Variants in DIAPH2 observed in about 807,000 individuals in gnomAD.
DIAPH2 encodes protein diaphanous homolog 2.
Under a neutral mutation model 92.7 loss-of-function variants are expected in DIAPH2, and 35 were observed. That is an observed-to-expected ratio of 0.38 (90% CI 0.29 to 0.50). The LOEUF is 0.50. Among genes scored for constraint, DIAPH2 ranks in the 20% least tolerant of loss-of-function variants. The pLI is 0.94. For synonymous variants in DIAPH2, 301 were observed against 280.4 expected (o/e 1.07, Z -0.73); for missense variants, 701 against 819.5 (o/e 0.86, Z 1.77).
At chrX:96,998,078 T>C (rs1256943304) in intron 17 of DIAPH2, among the ~76,000 whole-genome samples, 1 of 112,227 alleles carries the variant, frequency 8.9e-6, no homozygotes, top group African/African-American at 3.2e-5. Flanking sequence ...CAGAATTTTA[T>C]AGAGGCAGCA....
intron 25 of DIAPH2, among the ~76,000 whole-genome samples, chrX:97,407,757 C>G (rs183298590): frequency 6.7e-4 from 75 of 112,121 alleles, no homozygotes; most frequent in Non-Finnish European, 1.1e-3. Context: ...TATTTGCAGA[C>G]AGTAGTGACA....
intron 4 of DIAPH2, among the ~76,000 whole-genome samples, chrX:96,793,322 C>T (rs1488774377): frequency 9.0e-6 from 1 of 111,521 alleles, no homozygotes; most frequent in Admixed American, 9.5e-5. Context: ...GCATGCGCCA[C>T]CACACCTGGC....
intron 1 of DIAPH2, among the ~76,000 whole-genome samples, chrX:96,718,346 T>G (rs1275558621): frequency 2.3e-4 from 12 of 52,162 alleles, no homozygotes; most frequent in African/African-American, 7.2e-4. Flanking sequence ...GTTTTTTTTT[T>G]TTTTTTTTTT....
At chrX:97,517,108 T>G (rs954963021) in intron 26 of DIAPH2, among the ~76,000 whole-genome samples, 1 of 111,360 alleles carries the variant, frequency 9.0e-6, no homozygotes, top group Non-Finnish European at 1.9e-5. Flanking sequence ...ACCTCACAGG[T>G]TTTTTTCGAG....
intron 9 of DIAPH2, among the ~76,000 whole-genome samples, chrX:96,923,357 T>C (rs1371976128): frequency 1.8e-5 from 2 of 111,992 alleles, no homozygotes; most frequent in African/African-American, 3.2e-5. Context: ...TGCCCTTTCC[T>C]GATGTGTGAT....
chrX:97,179,255 ATTACT>A (rs2067519800), intron 22 of DIAPH2, among the ~76,000 whole-genome samples: 1 of 92,343 alleles, frequency 1.1e-5, no homozygotes, highest in Admixed American at 1.2e-4. Context: ...TTTTTTTTTA[ATTACT>A]TTAAGTTCCG....
At chrX:97,433,223 C>T (rs1186326584) in intron 26 of DIAPH2, among the ~76,000 whole-genome samples, 7 of 110,317 alleles carry the variant, frequency 6.3e-5, no homozygotes. Flanking sequence ...TAATAAAAAA[C>T]AAAAAGGCTG....
rs139097136 is a variant in DIAPH2 at position 97,373,207 on chromosome X, T to C, written c.3010-10702T>C. Reference sequence around the variant, plus strand: ...CTGAAACGCTAAGCACTGGCATTTTTAAGAAAATAAATGTAGATGTCAGTG... The same window carrying C: ...CTGAAACGCTAAGCACTGGCATTTTCAAGAAAATAAATGTAGATGTCAGTG... On this transcript the variant is annotated intron_variant, in intron 24 of 26. Coordinates refer to ENST00000324765, the MANE Select transcript of DIAPH2 (RefSeq NM_006729.5). 2.9e-3 allele frequency among the ~76,000 whole-genome samples: 323 copies of C among 111,473 alleles called. 2 individuals carry two copies. The highest frequency in any genetic ancestry group is 9.7e-3 in the African/African-American group (298 of 30,694).
At chrX:97,423,582 C>T (rs1486573271) in intron 25 of DIAPH2, among the ~76,000 whole-genome samples, 5 of 111,639 alleles carry the variant, frequency 4.5e-5, no homozygotes, top group African/African-American at 1.6e-4. Flanking sequence ...GAAGGTACAA[C>T]CCATACCTTT....
At chrX:97,551,526 G>A (rs776922521) in intron 26 of DIAPH2, among the ~76,000 whole-genome samples, 35 of 108,436 alleles carry the variant, frequency 3.2e-4, no homozygotes, top group African/African-American at 1.1e-3. Context: ...GGAGGTGGAG[G>A]TTGTAGTGAG....
chrX:96,970,928 T>C, intron 17 of DIAPH2, among the ~76,000 whole-genome samples: 1 of 111,962 alleles, frequency 8.9e-6, no homozygotes, highest in Non-Finnish European at 1.9e-5. Flanking sequence ...GATTTTGGTA[T>C]GTTGTGTCTC....
intron 4 of DIAPH2, among the ~76,000 whole-genome samples, chrX:96,826,307 C>T (rs2064815589): frequency 9.1e-6 from 1 of 109,935 alleles, no homozygotes; most frequent in Non-Finnish European, 1.9e-5. Flanking sequence ...ATCCCAGCTA[C>T]TTGGGAGGCT....
At position 97,274,877 on chromosome X, in the gene DIAPH2, A is replaced by C. The variant is rs2068425618; in HGVS notation, c.2844+27038A>C. Reference sequence around the variant, plus strand: ...GCATGCTGCCTTCAAGCATCTGTTTAACAAAGCCCATCTTGCACCGCCCTT... The same window carrying C: ...GCATGCTGCCTTCAAGCATCTGTTTCACAAAGCCCATCTTGCACCGCCCTT... On this transcript the variant is annotated intron_variant, in intron 23 of 26. Transcript: ENST00000324765. Among the ~76,000 whole-genome samples, 3 of 110,992 alleles carry C rather than the reference A, an allele frequency of 2.7e-5. No homozygotes were observed. The Middle Eastern group carries it at 0.014, about 511-fold the overall frequency.
intron 25 of DIAPH2, among the ~76,000 whole-genome samples, chrX:97,417,941 G>A (rs1476530527): frequency 9.0e-6 from 1 of 110,569 alleles, no homozygotes; most frequent in Non-Finnish European, 1.9e-5. Flanking sequence ...AGCAAAATAG[G>A]GGTTACTTGT....
chrX:97,571,683 G>A (rs1245969613), intron 26 of DIAPH2, among the ~76,000 whole-genome samples: 7 of 109,907 alleles, frequency 6.4e-5, no homozygotes, highest in South Asian at 3.9e-4. Flanking sequence ...TTCCATCTCT[G>A]AATCCTTTGC....
At chrX:97,046,168 G>T (rs5966899) in intron 17 of DIAPH2, among the ~76,000 whole-genome samples, 31,843 of 100,572 alleles carry the variant, frequency 0.32, 4,311 homozygotes, top group South Asian at 0.52. Context: ...ATTTTATGTG[G>T]TTTTTTTTTT....
At chrX:96,712,885 T>C (rs953470542) in intron 1 of DIAPH2, among the ~76,000 whole-genome samples, 1 of 111,372 alleles carries the variant, frequency 9.0e-6, no homozygotes, top group African/African-American at 3.3e-5. Flanking sequence ...GTTAAACATT[T>C]TAACTATCCC....
At chrX:97,191,232 G>A (rs1282958690) in intron 22 of DIAPH2, among the ~76,000 whole-genome samples, 4 of 109,091 alleles carry the variant, frequency 3.7e-5, no homozygotes, top group African/African-American at 1.3e-4. Flanking sequence ...GGAGGCTGAG[G>A]CAGGAGAATC....
chrX:96,999,742 G>A (rs780662049), intron 17 of DIAPH2, among the ~76,000 whole-genome samples: 1 of 111,277 alleles, frequency 9.0e-6, no homozygotes, highest in South Asian at 3.8e-4. Flanking sequence ...TAGTTTGGCT[G>A]TGTTCCCACC....
Sources: allele counts gnomAD v4.1 joint callset (sites outside exome capture counted in the v4.1 genomes callset), GRCh38; gene constraint gnomAD v4.1.1; transcripts MANE v1.5; gene names NCBI Gene and HGNC (gene_info 2026-07-23, HGNC 2026-07-21).